Variants in MYT1L observed in about 807,000 individuals in gnomAD.
MYT1L encodes myelin transcription factor 1 like, also known as myelin transcription factor 1-like protein.
In MYT1L, 12 loss-of-function variants were observed where a neutral mutation model predicts 126.7. That is an observed-to-expected ratio of 0.09 (90% CI 0.06 to 0.15). The LOEUF is 0.15. Ranked by LOEUF, MYT1L falls within the 10% of genes least tolerant of loss-of-function variation. The probability of loss-of-function intolerance (pLI) is 1.00; values close to 1 mark genes in which losing one functional copy is unlikely to be tolerated. For missense variants in MYT1L, 979 were observed against 1,585.2 expected, an observed-to-expected ratio of 0.62 and a Z score of 6.49; for synonymous variants, 541 against 604.2, an observed-to-expected ratio of 0.90 and a Z score of 1.53.
intron 21 of MYT1L, among the ~76,000 whole-genome samples, chr2:1,822,828 A>C (rs868277001): frequency 2.4e-4 from 28 of 118,964 alleles, no homozygotes; most frequent in African/African-American, 7.0e-4. Flanking sequence ...TCCACAGTGA[A>C]ACCCTCCTCT....
intron 19 of MYT1L, chr2:1,841,946 G>C (rs2041785897): frequency 6.6e-6 from 1 of 152,196 alleles, no homozygotes; most frequent in Non-Finnish European, 1.5e-5. Context: ...TGTTTGTAAA[G>C]GGAATTTTTT....
chr2:1,815,984 CTCTTT>C (rs1558639264), intron 21 of MYT1L, among the ~76,000 whole-genome samples: 1 of 152,138 alleles, frequency 6.6e-6, no homozygotes, highest in African/African-American at 2.4e-5. Flanking sequence ...GCACAGTTAT[CTCTTT>C]TTTTTCTTTT....
At chr2:2,204,080 C>A (rs376916739) in intron 2 of MYT1L, among the ~76,000 whole-genome samples, 3 of 152,290 alleles carry the variant, frequency 2.0e-5, no homozygotes, top group Admixed American at 1.3e-4. Context: ...GAAAGTGGAT[C>A]GCTTCCTTAC....
chr2:2,209,671 C>T (rs1456309962), intron 2 of MYT1L, among the ~76,000 whole-genome samples: 1 of 152,002 alleles, frequency 6.6e-6, no homozygotes, highest in African/African-American at 2.4e-5. Context: ...ATATGTATGC[C>T]ACATTTTTTT....
intron 3 of MYT1L, among the ~76,000 whole-genome samples, chr2:2,113,056 A>G (rs2079683007): frequency 6.6e-6 from 1 of 152,304 alleles, no homozygotes; most frequent in African/African-American, 2.4e-5. Flanking sequence ...GGTGCTGATG[A>G]CCACGGGGGC....
At chr2:2,014,668 A>G (rs1261187188) in intron 4 of MYT1L, among the ~76,000 whole-genome samples, 1 of 152,236 alleles carries the variant, frequency 6.6e-6, no homozygotes, top group East Asian at 1.9e-4. Context: ...CAGAGCCCAG[A>G]GCTCACAGAA....
chr2:2,030,661 C>T (rs554438855), intron 4 of MYT1L, among the ~76,000 whole-genome samples: 1 of 152,242 alleles, frequency 6.6e-6, no homozygotes, highest in South Asian at 2.1e-4. Flanking sequence ...TATATCCTTA[C>T]AAATTATGAA....
chr2:2,111,130 T>C (rs2150575412), intron 3 of MYT1L, among the ~76,000 whole-genome samples: 1 of 152,224 alleles, frequency 6.6e-6, no homozygotes, highest in African/African-American at 2.4e-5. Flanking sequence ...GTGTCAGCTC[T>C]AAAAAGGAGG....
In MYT1L at chr2:2,304,173, G is replaced by A. The variant is rs114934158; in HGVS notation, c.-520-19670C>T. On this transcript the variant is annotated intron_variant, in intron 1 of 24. Coordinates refer to ENST00000647738, the MANE Select transcript of MYT1L (RefSeq NM_001303052.2). ...CCAAATCCGTCTAAAAATTAAACAA[G>A]TATCTACAGATCACCAGAAAAATCC... is the stretch of plus-strand genomic sequence containing the variant. 6.1e-3 allele frequency among the ~76,000 whole-genome samples: 927 copies of A among 152,296 alleles called. 13 individuals carry two copies. Among genetic ancestry groups the A allele is most frequent in the African/African-American group, 0.021 (877 of 41,550 alleles).
chr2:2,206,011 C>T (rs983302005), intron 2 of MYT1L, among the ~76,000 whole-genome samples: 2 of 142,900 alleles, frequency 1.4e-5, no homozygotes, highest in Non-Finnish European at 3.0e-5. Context: ...GAAACAGGGT[C>T]TCACTTTGTC....
chr2:1,946,418 T>C (rs1431427140), intron 8 of MYT1L, among the ~76,000 whole-genome samples: 1 of 152,164 alleles, frequency 6.6e-6, no homozygotes, highest in Non-Finnish European at 1.5e-5. Context: ...TGGTCCCTGG[T>C]GCCAGAAAGG....
At chr2:2,184,323 T>C (rs1292579560) in intron 2 of MYT1L, among the ~76,000 whole-genome samples, 1 of 152,140 alleles carries the variant, frequency 6.6e-6, no homozygotes, top group Non-Finnish European at 1.5e-5. Context: ...AAGTAGAAAG[T>C]AAACACAAGA....
intron 8 of MYT1L, among the ~76,000 whole-genome samples, chr2:1,978,003 T>G (rs937861460): frequency 1.3e-5 from 2 of 152,322 alleles, no homozygotes; most frequent in African/African-American, 4.8e-5. Context: ...ATCTGAAAAA[T>G]AGCCCACAAT....
intron 4 of MYT1L, among the ~76,000 whole-genome samples, chr2:2,051,297 AT>A (rs1426309872): frequency 6.6e-6 from 1 of 152,148 alleles, no homozygotes; most frequent in Non-Finnish European, 1.5e-5. Context: ...CCATTTCCAG[AT>A]TTATTCATCT....
At chr2:1,927,513 T>C (rs535517666) in intron 9 of MYT1L, among the ~76,000 whole-genome samples, 7 of 147,404 alleles carry the variant, frequency 4.7e-5, no homozygotes, top group African/African-American at 1.8e-4. Context: ...TACAACTTTA[T>C]ATACAGGCTT....
chr2:2,221,190 C>T (rs563020852), intron 2 of MYT1L, among the ~76,000 whole-genome samples: 9 of 152,256 alleles, frequency 5.9e-5, no homozygotes, highest in African/African-American at 1.2e-4. Context: ...TACTTTGGAA[C>T]GCTTCCTGAA....
intron 3 of MYT1L, among the ~76,000 whole-genome samples, chr2:2,135,649 T>C (rs940378028): frequency 1.3e-5 from 2 of 151,950 alleles, no homozygotes; most frequent in South Asian, 2.1e-4. Context: ...AAAGGCAGAG[T>C]GGACGGATGA....
In MYT1L at chr2:1,968,154, G is replaced by A. The variant is rs546284811; in HGVS notation, c.152+11011C>T. Among the ~76,000 whole-genome samples, 9 of 152,268 alleles carry A rather than the reference G, an allele frequency of 5.9e-5. No homozygotes were observed. In the East Asian group the frequency reaches 1.2e-3, roughly 20 times the overall value. ...GGCCCCTCTAGCAGCACCACTCTCT[G>A]CTCTCAGATCTTATCCCCGTTGAGG... On this transcript the variant is annotated intron_variant, in intron 8 of 24. Transcript: ENST00000647738.
chr2:1,946,021 G>A (rs755992558), intron 8 of MYT1L, among the ~76,000 whole-genome samples: 3 of 152,122 alleles, frequency 2.0e-5, no homozygotes, highest in East Asian at 1.9e-4. Flanking sequence ...GCAAGCGAGC[G>A]AAGCTTCTTC....
Sources: gnomAD v4.1 joint callset for allele counts (sites outside exome capture counted in the v4.1 genomes callset) on GRCh38, gnomAD v4.1.1 for gene constraint, MANE v1.5 for transcripts, NCBI Gene and HGNC (gene_info 2026-07-23, HGNC 2026-07-21) for gene names.